Variants in CACNA2D3 observed in about 807,000 individuals in gnomAD.
CACNA2D3 encodes the protein calcium voltage-gated channel auxiliary subunit alpha2delta 3, also known as voltage-dependent calcium channel subunit alpha-2/delta-3.
CACNA2D3 carries 60 observed loss-of-function variants against 160.6 expected under a neutral mutation model. The observed-to-expected ratio is 0.37, with a 90% CI of 0.30 to 0.46. The LOEUF is 0.46. CACNA2D3 is among the 20% of genes least tolerant of loss of function. The probability of loss-of-function intolerance (pLI) is 1.00; values close to 1 mark genes in which losing one functional copy is unlikely to be tolerated. For synonymous variants in CACNA2D3, 558 were observed against 492.9 expected (o/e 1.13, Z -1.75); for missense variants, 1,205 against 1,365.0 (o/e 0.88, Z 1.85).
intron 4 of CACNA2D3, among the ~76,000 whole-genome samples, chr3:54,491,761 A>G (rs1339979806): frequency 1.3e-5 from 2 of 152,212 alleles, no homozygotes; most frequent in East Asian, 1.9e-4. Flanking sequence ...GAATGTTGCC[A>G]CAGAGACTGT....
At position 54,169,400 on chromosome 3, in the gene CACNA2D3, C is replaced by T. The variant is rs373937048; in HGVS notation, c.204+45806C>T. Reference sequence around the variant, plus strand: ...AGATTGAAAATAAAGCTTCATGGTCCATGGAAAGGGATTGGGAACCAAGTT... The same window carrying T: ...AGATTGAAAATAAAGCTTCATGGTCTATGGAAAGGGATTGGGAACCAAGTT... On this transcript the variant is annotated intron_variant, in intron 2 of 37. Transcript: ENST00000474759. Among the ~76,000 whole-genome samples the T allele has an allele frequency of 5.3e-5, 8 of 152,104 alleles. 1 individual carries two copies. Among genetic ancestry groups the T allele is most frequent in the African/African-American group, 1.9e-4 (8 of 41,490 alleles).
intron 29 of CACNA2D3, 48 bp from the exon 30 acceptor site, chr3:54,984,560 C>T (rs748435675): frequency 3.2e-5 from 36 of 1,114,472 alleles, no homozygotes; most frequent in South Asian, 8.4e-5. Flanking sequence ...TGTGATGGCC[C>T]GAAGTTGAAG....
At chr3:54,784,114 G>C (rs780831033) in intron 13 of CACNA2D3, among the ~76,000 whole-genome samples, 1 of 152,196 alleles carries the variant, frequency 6.6e-6, no homozygotes, top group Non-Finnish European at 1.5e-5. Flanking sequence ...TCTGTCCACT[G>C]TGAAGGGTAG....
intron 31 of CACNA2D3, among the ~76,000 whole-genome samples, chr3:55,003,787 T>A (rs1170495995): frequency 6.6e-6 from 1 of 152,182 alleles, no homozygotes; most frequent in African/African-American, 2.4e-5. Flanking sequence ...TGAATTGTAA[T>A]CTTCTCTTCT....
At chr3:54,465,770 C>T (rs896441738) in intron 4 of CACNA2D3, among the ~76,000 whole-genome samples, 3 of 152,182 alleles carry the variant, frequency 2.0e-5, no homozygotes, top group African/African-American at 7.2e-5. Flanking sequence ...AACTCGTTAA[C>T]ATTAATAACT....
intron 5 of CACNA2D3, among the ~76,000 whole-genome samples, chr3:54,541,815 T>C (rs1484770738): frequency 2.0e-5 from 3 of 152,126 alleles, no homozygotes; most frequent in Non-Finnish European, 4.4e-5. Context: ...GACAAGGACA[T>C]TGATGAAATT....
chr3:54,147,858 G>A (rs967099925), intron 2 of CACNA2D3, among the ~76,000 whole-genome samples: 1 of 152,214 alleles, frequency 6.6e-6, no homozygotes, highest in African/African-American at 2.4e-5. Flanking sequence ...CCCAGCTGGA[G>A]TGCACTGGCA....
intron 9 of CACNA2D3, among the ~76,000 whole-genome samples, chr3:54,606,326 G>A (rs1273832544): frequency 6.6e-6 from 1 of 152,030 alleles, no homozygotes; most frequent in Non-Finnish European, 1.5e-5. Flanking sequence ...TCAGCACAAG[G>A]AATAGGCTGG....
chr3:54,998,741 T>C (rs1702913989), intron 31 of CACNA2D3, among the ~76,000 whole-genome samples: 1 of 151,438 alleles, frequency 6.6e-6, no homozygotes, highest in South Asian at 2.1e-4. Flanking sequence ...TTGTTTTGTT[T>C]TGTTTTGTTT....
At chr3:54,258,220 A>G (rs908141403) in intron 2 of CACNA2D3, among the ~76,000 whole-genome samples, 4 of 152,136 alleles carry the variant, frequency 2.6e-5, no homozygotes, top group Admixed American at 6.5e-5. Context: ...TTATTATGGC[A>G]TTTCCAAGTT....
rs71096430 is a variant in CACNA2D3 at position 54,626,684 on chromosome 3, CAAAAAAAAAAAAAAAA to C, written c.964-1093_964-1078del. The C allele has an allele frequency of 3.5e-4, 111 of 318,246 alleles. 3 individuals are homozygous for C. Among genetic ancestry groups the C allele is most frequent in the South Asian group, 1.7e-3 (49 of 29,116 alleles). 19.7% of individuals were successfully genotyped at this position (318,246 alleles called of 1,614,324 possible). ...TAATAAAGGCGCACATGGTTCCAGT[CAAAAAAAAAAAAAAAA>C]AAAAAAAAAGAAAGAAAAAGAAAGG... is the stretch of plus-strand genomic sequence containing the variant. On this transcript the variant is annotated intron_variant, in intron 9 of 37. Transcript: ENST00000474759.
chr3:54,881,967 C>T (rs1699808004), intron 21 of CACNA2D3, among the ~76,000 whole-genome samples: 1 of 152,160 alleles, frequency 6.6e-6, no homozygotes, highest in African/African-American at 2.4e-5. Context: ...TTGTGCTTCC[C>T]AAGTGCTTGT....
chr3:54,801,081 G>C (rs563208521), intron 13 of CACNA2D3, among the ~76,000 whole-genome samples: 1 of 151,408 alleles, frequency 6.6e-6, no homozygotes, highest in Non-Finnish European at 1.5e-5. Flanking sequence ...CTGCTTCCCA[G>C]GCTCAACAGA....
chr3:55,052,100 G>C (rs996955644), intron 35 of CACNA2D3, among the ~76,000 whole-genome samples: 5 of 152,148 alleles, frequency 3.3e-5, no homozygotes, highest in Non-Finnish European at 7.3e-5. Context: ...GACTGGAGCT[G>C]TTCCTATTCG....
chr3:54,790,671 A>C (rs547087435), intron 13 of CACNA2D3, among the ~76,000 whole-genome samples: 216 of 152,206 alleles, frequency 1.4e-3, no homozygotes, highest in African/African-American at 5.0e-3. Context: ...AGCAGAACAC[A>C]TCTCAATCTC....
intron 4 of CACNA2D3, among the ~76,000 whole-genome samples, chr3:54,405,793 A>G (rs1307936581): frequency 6.6e-6 from 1 of 152,058 alleles, no homozygotes; most frequent in Non-Finnish European, 1.5e-5. Flanking sequence ...ATATTCACAA[A>G]TCATGTATCT....
chr3:54,233,431 C>G (rs552051715), intron 2 of CACNA2D3, among the ~76,000 whole-genome samples: 1 of 152,332 alleles, frequency 6.6e-6, no homozygotes, highest in South Asian at 2.1e-4. Flanking sequence ...ATGAATGCCA[C>G]AGGGACAATT....
At chr3:54,822,174 A>G (rs1473123676) in intron 14 of CACNA2D3, among the ~76,000 whole-genome samples, 2 of 152,080 alleles carry the variant, frequency 1.3e-5, no homozygotes, top group Non-Finnish European at 2.9e-5. Flanking sequence ...GGTACTTTTT[A>G]TATGCATTCC....
intron 11 of CACNA2D3, among the ~76,000 whole-genome samples, chr3:54,650,863 T>C (rs1355167284): frequency 6.6e-6 from 1 of 152,210 alleles, no homozygotes; most frequent in Non-Finnish European, 1.5e-5. Flanking sequence ...ATACTAATGA[T>C]AGCTAATTCC....
Sources: gnomAD v4.1 joint callset for allele counts (sites outside exome capture counted in the v4.1 genomes callset) on GRCh38, gnomAD v4.1.1 for gene constraint, MANE v1.5 for transcripts, NCBI Gene and HGNC (gene_info 2026-07-23, HGNC 2026-07-21) for gene names.